KLHDC1: variants seen among roughly 807,000 people sequenced by gnomAD.
KLHDC1 encodes kelch domain containing 1.
In KLHDC1, 53 loss-of-function variants were observed where a neutral mutation model predicts 68.3. The observed-to-expected ratio is 0.78, with a 90% confidence interval of 0.62 to 0.98. The LOEUF is 0.98. Among genes scored for constraint, KLHDC1 ranks in the 50% least tolerant of loss-of-function variants. KLHDC1 has a pLI of 0.00. For synonymous variants in KLHDC1, 148 were observed against 159.0 expected (o/e 0.93, Z 0.52); for missense variants, 470 against 492.3 (o/e 0.95, Z 0.43).
chr14:49,695,937 G>T (rs1305182047), intron 1 of KLHDC1, among the ~76,000 whole-genome samples: 1 of 151,986 alleles, frequency 6.6e-6, no homozygotes, highest in African/African-American at 2.4e-5. Flanking sequence ...GTGGTGGCAG[G>T]CGCCTATAGT....
intron 4 of KLHDC1, among the ~76,000 whole-genome samples, chr14:49,713,834 A>ATT (rs1888288994): frequency 4.3e-4 from 1 of 2,318 alleles, no homozygotes; most frequent in Non-Finnish European, 1.4e-3. Context: ...ATATATATAT[A>ATT]TATATATATA....
chr14:49,704,299 T>C (rs143767959), intron 1 of KLHDC1, among the ~76,000 whole-genome samples: 42 of 152,174 alleles, frequency 2.8e-4, no homozygotes, highest in Non-Finnish European at 4.3e-4. Context: ...TTTTTTTAAC[T>C]AATTTATACA....
At chr14:49,743,072 C>CAAAAAAAAA in intron 11 of KLHDC1, among the ~76,000 whole-genome samples, 2 of 58,350 alleles carry the variant, frequency 3.4e-5, no homozygotes, top group Non-Finnish European at 6.0e-5. Context: ...ACCCTGTCTC[C>CAAAAAAAAA]AAAAAAAAAA....
intron 10 of KLHDC1, among the ~76,000 whole-genome samples, chr14:49,738,586 G>A (rs1230752793): frequency 6.6e-6 from 1 of 152,098 alleles, no homozygotes; most frequent in African/African-American, 2.4e-5. Flanking sequence ...CTGACCTTGT[G>A]ATCTGCCCAC....
intron 4 of KLHDC1, among the ~76,000 whole-genome samples, chr14:49,716,602 T>G (rs2139745676): frequency 6.6e-6 from 1 of 152,234 alleles, no homozygotes; most frequent in South Asian, 2.1e-4. Context: ...CAGGCTTGTC[T>G]CAAACTCCTG....
chr14:49,712,128 C>G (rs554693707), intron 4 of KLHDC1, among the ~76,000 whole-genome samples: 1 of 151,814 alleles, frequency 6.6e-6, no homozygotes. Context: ...CCATGTTAGC[C>G]AGGATGGTCT....
intron 12 of KLHDC1, among the ~76,000 whole-genome samples, chr14:49,747,585 A>G (rs1203693054): frequency 6.6e-6 from 1 of 152,234 alleles, no homozygotes; most frequent in African/African-American, 2.4e-5. Flanking sequence ...ATATATAGAT[A>G]GAAAACTTTT....
chr14:49,707,495 G>A (rs1888085786), intron 1 of KLHDC1, among the ~76,000 whole-genome samples: 1 of 150,824 alleles, frequency 6.6e-6, no homozygotes. Context: ...TTACAGTCAT[G>A]CACCACCACG....
intron 4 of KLHDC1, among the ~76,000 whole-genome samples, chr14:49,723,459 G>A (rs961864519): frequency 2.6e-5 from 4 of 151,978 alleles, no homozygotes; most frequent in Admixed American, 1.3e-4. Flanking sequence ...TTGAGCCCGG[G>A]AGGTGGAGGT....
rs772785595 is a variant in KLHDC1, at chr14:49,693,231, C to G, written c.37C>G (p.Arg13Gly). ...DSQLFCVAEERSGHCAVVDGN... is the reference protein window; with the variant it reads ...DSQLFCVAEEGSGHCAVVDGN... The stretch of plus-strand genomic sequence containing the variant: ...TCAGCTGTTCTGTGTGGCGGAGGAA[C>G]GCAGCGGCCACTGCGCCGTGGTGGA... Residue 13 changes from arginine (R) to glycine (G), a missense_variant, in exon 1 of 13, where the codon CGC (arginine) becomes GGC (glycine). By Grantham distance (125) the Arg-to-Gly change is moderately radical (BLOSUM62 -2). Coordinates refer to ENST00000359332, the MANE Select transcript of KLHDC1 (RefSeq NM_172193.3). 2 of 1,574,398 alleles carry G rather than the reference C, an allele frequency of 1.3e-6. No individual in the cohort carries two copies. Among genetic ancestry groups the G allele is most frequent in the Non-Finnish European group, 1.7e-6 (2 of 1,162,648 alleles).
chr14:49,702,850 G>A (rs1887946217), intron 1 of KLHDC1, among the ~76,000 whole-genome samples: 1 of 152,130 alleles, frequency 6.6e-6, no homozygotes, highest in Admixed American at 6.5e-5. Flanking sequence ...ACGACCTCTA[G>A]AAGATTCTTA....
chr14:49,693,270 T>C lies in KLHDC1; in HGVS notation c.76T>C (p.Tyr26His). Residue 26 changes from tyrosine (Y) to histidine (H), a missense_variant, in exon 1 of 13, where the codon TAC becomes CAC. Tyr to His is a moderately conservative substitution (Grantham distance 83, BLOSUM62 2). Coordinates refer to ENST00000359332, the MANE Select transcript of KLHDC1 (RefSeq NM_172193.3). ...CGCCGTGGTGGACGGAAACTTCCTCTACGTGTGGGGGGGCTACGTGGTAAG... is the reference window on the plus strand; with the variant it reads ...CGCCGTGGTGGACGGAAACTTCCTCCACGTGTGGGGGGGCTACGTGGTAAG... ...HCAVVDGNFL[Y>H]VWGGYVSIED... The C allele has an allele frequency of 6.4e-7, 1 of 1,559,692 alleles. No homozygotes were observed. The highest frequency in any genetic ancestry group is 8.7e-7 in the Non-Finnish European group (1 of 1,154,614).
chr14:49,722,482 G>A (rs571672690), intron 4 of KLHDC1, among the ~76,000 whole-genome samples: 4 of 152,214 alleles, frequency 2.6e-5, no homozygotes, highest in East Asian at 1.9e-4. Flanking sequence ...TCCATGGTGT[G>A]TATGTGCCAC....
chr14:49,697,503 C>G (rs955558526), intron 1 of KLHDC1, among the ~76,000 whole-genome samples: 5 of 152,262 alleles, frequency 3.3e-5, no homozygotes, highest in Non-Finnish European at 5.9e-5. Context: ...GACACAGACA[C>G]GAAGTGAGCA....
chr14:49,744,516 G>T (rs1433800729), intron 12 of KLHDC1, among the ~76,000 whole-genome samples: 1 of 151,876 alleles, frequency 6.6e-6, no homozygotes, highest in African/African-American at 2.4e-5. Flanking sequence ...TATTTGTGGG[G>T]ATCGGTTCCA....
chr14:49,715,562 C>CAT lies in KLHDC1; in HGVS notation c.404+5182_404+5183insTA, dbSNP rs201941607. 6.1e-3 allele frequency among the ~76,000 whole-genome samples: 923 copies of CAT among 150,486 alleles called. 12 individuals are homozygous for CAT. Among genetic ancestry groups the CAT allele is most frequent in the African/African-American group, 0.021 (885 of 41,266 alleles). ...AGGAGTTCGAGACCAGCCTGGCTGA[C>CAT]AGTGAAACCCCGTCTCTACTAAAAA... On this transcript the variant is annotated intron_variant, in intron 4 of 12. Coordinates refer to ENST00000359332, the MANE Select transcript of KLHDC1 (RefSeq NM_172193.3).
At chr14:49,693,748 C>CTTTCTTTTTTTTTTTT (rs1887645154) in intron 1 of KLHDC1, among the ~76,000 whole-genome samples, 1 of 61,540 alleles carries the variant, frequency 1.6e-5, no homozygotes, top group Non-Finnish European at 3.4e-5. Flanking sequence ...TTTTCTTTTT[C>CTTTCTTTTTTTTTTTT]TTTTTTTTTT....
chr14:49,715,765 A>AATAT (rs1555339251), intron 4 of KLHDC1, among the ~76,000 whole-genome samples: 3,230 of 51,054 alleles, frequency 0.063, 146 homozygotes, highest in Middle Eastern at 0.085. Context: ...AAAAAAAAAA[A>AATAT]ATATATATAT....
chr14:49,712,710 G>T (rs1888238690), intron 4 of KLHDC1, among the ~76,000 whole-genome samples: 1 of 151,574 alleles, frequency 6.6e-6, no homozygotes, highest in African/African-American at 2.4e-5. Flanking sequence ...TCACTATATT[G>T]GCCAGGCTAG....
Sources: allele counts gnomAD v4.1 joint callset (sites outside exome capture counted in the v4.1 genomes callset), GRCh38; gene constraint gnomAD v4.1.1; transcripts MANE v1.5; gene names NCBI Gene and HGNC (gene_info 2026-07-23, HGNC 2026-07-21).